SLC16A2: variants seen among roughly 807,000 people sequenced by gnomAD.
The protein encoded by SLC16A2 is monocarboxylate transporter 8.
Under a neutral mutation model 27.2 loss-of-function variants are expected in SLC16A2, and 3 were observed. That is an observed-to-expected ratio of 0.11 (90% CI 0.05 to 0.28). SLC16A2 has a LOEUF of 0.28. Ranked by LOEUF, SLC16A2 falls within the 10% of genes least tolerant of loss-of-function variation. The pLI, the probability that SLC16A2 is intolerant of heterozygous loss-of-function variation, is 1.00. For synonymous variants in SLC16A2, 202 were observed against 187.8 expected (o/e 1.08, Z -0.62); for missense variants, 295 against 458.5 (o/e 0.64, Z 3.26).
At chrX:74,428,952 CG>C (rs1394213891) in intron 1 of SLC16A2, among the ~76,000 whole-genome samples, 3 of 111,418 alleles carry the variant, frequency 2.7e-5, no homozygotes, top group Non-Finnish European at 3.8e-5. Context: ...TGGTAGCTTC[CG>C]TGTTTCTGGT....
intron 1 of SLC16A2, among the ~76,000 whole-genome samples, chrX:74,443,586 A>G (rs1229809933): frequency 8.9e-6 from 1 of 112,396 alleles, no homozygotes; most frequent in Admixed American, 9.4e-5. Flanking sequence ...CTGTAACAGT[A>G]TCCAGAAGGT....
rs910253678 is a variant in SLC16A2, at chrX:74,422,133, C to T, written c.430+66C>T. On this transcript the variant is annotated intron_variant, in intron 1 of 5. Transcript: ENST00000587091. ...GTTGGCCGCTCCCGCTGCCACCGAC[C>T]CCATACCTCCCGGTCCGAGGCGCCC... 6.6e-6 allele frequency: 7 copies of T among 1,058,718 alleles called. No homozygotes were observed. The African/African-American group carries it at 1.1e-4, about 17-fold the overall frequency. 87.3% of individuals were successfully genotyped at this position (1,058,718 alleles called of 1,213,427 possible).
intron 1 of SLC16A2, among the ~76,000 whole-genome samples, chrX:74,460,419 G>A (rs763011340): frequency 9.0e-6 from 1 of 111,433 alleles, no homozygotes; most frequent in Admixed American, 9.5e-5. Context: ...TTTCACTCAG[G>A]GTCAGACTTA....
intron 1 of SLC16A2, among the ~76,000 whole-genome samples, chrX:74,445,017 A>C (rs896704239): frequency 8.9e-6 from 1 of 112,313 alleles, no homozygotes; most frequent in African/African-American, 3.2e-5. Flanking sequence ...GAGCGGTGAC[A>C]ACCTCAAATC....
intron 1 of SLC16A2, among the ~76,000 whole-genome samples, chrX:74,495,455 C>T (rs964634463): frequency 7.4e-5 from 8 of 108,584 alleles, no homozygotes; most frequent in African/African-American, 2.6e-4. Context: ...CAAAGATACT[C>T]GAGAAAATCA....
At chrX:74,523,741 C>A (rs1195455552) in intron 2 of SLC16A2, among the ~76,000 whole-genome samples, 2 of 112,087 alleles carry the variant, frequency 1.8e-5, no homozygotes, top group African/African-American at 6.5e-5. Flanking sequence ...ATGATTCCCG[C>A]TGAGATCGTC....
rs902533400 is a variant in SLC16A2 at position 74,524,887 on chromosome X, G to A, written c.1026+78G>A. On this transcript the variant is annotated intron_variant, in intron 3 of 5. Transcript: ENST00000587091. ...AACCTGCCTAGATTCCAGAGGGTGG[G>A]GGTGGGAGACATTGAAAGGGCAGAG... The A allele has an allele frequency of 1.0e-4, 95 of 909,080 alleles. No individual in the cohort carries two copies. The highest frequency in any genetic ancestry group is 3.0e-4 in the Middle Eastern group (1 of 3,319). 74.9% of individuals were successfully genotyped at this position (909,080 alleles called of 1,213,427 possible).
At chrX:74,523,183 T>C (rs1334847927) in intron 2 of SLC16A2, among the ~76,000 whole-genome samples, 1 of 112,388 alleles carries the variant, frequency 8.9e-6, no homozygotes, top group Non-Finnish European at 1.9e-5. Context: ...AGAGGAACCG[T>C]TGGCTTAGCT....
Position 74,533,912 on chromosome X carries a change from A to C in SLC16A2, c.*2359A>C, listed in dbSNP as rs1264829550. 6.2e-5 allele frequency: 7 copies of C among 112,375 alleles called. No homozygotes were observed. Among genetic ancestry groups the C allele is most frequent in the African/African-American group, 9.7e-5 (3 of 30,823 alleles). The allele number at this position is 112,375 out of a possible 1,213,427, so 9.3% of individuals were successfully genotyped here. A position where few individuals can be genotyped will look rare whatever the true frequency, so the allele number is the denominator to read the frequency against. On this transcript the variant is annotated 3_prime_UTR_variant, in exon 6 of 6. Coordinates refer to ENST00000587091, the MANE Select transcript of SLC16A2 (RefSeq NM_006517.5). The stretch of plus-strand genomic sequence containing the variant: ...TTGGAACAAAATAAACAGATCTAAA[A>C]ATTTGGTTTGGGTATGTATGTTGCC...
chrX:74,450,909 A>C lies in SLC16A2; in HGVS notation c.430+28842A>C, dbSNP rs766237533. On this transcript the variant is annotated intron_variant, in intron 1 of 5. Coordinates refer to ENST00000587091, the MANE Select transcript of SLC16A2 (RefSeq NM_006517.5). Reference sequence around the variant, plus strand: ...ATAAGCACATAGGTCTTGATTTTAAAAGTCTTATGCAGCCATAAAAATATA... The same window carrying C: ...ATAAGCACATAGGTCTTGATTTTAACAGTCTTATGCAGCCATAAAAATATA... Among the ~76,000 whole-genome samples, 257 of 111,608 alleles carry C rather than the reference A, an allele frequency of 2.3e-3. 3 individuals carry two copies. The highest frequency in any genetic ancestry group is 2.8e-3 in the Non-Finnish European group (151 of 53,141).
chrX:74,482,992 C>T (rs1423134748), intron 1 of SLC16A2, among the ~76,000 whole-genome samples: 1 of 112,084 alleles, frequency 8.9e-6, no homozygotes, highest in Non-Finnish European at 1.9e-5. Flanking sequence ...AGACATGAGC[C>T]ACCCTGACTG....
intron 1 of SLC16A2, among the ~76,000 whole-genome samples, chrX:74,474,585 C>G (rs1039093687): frequency 9.2e-6 from 1 of 109,196 alleles, no homozygotes; most frequent in Admixed American, 9.9e-5. Context: ...CCCATTAACT[C>G]GTCATTTAAC....
At chrX:74,463,931 G>T (rs1299844371) in intron 1 of SLC16A2, among the ~76,000 whole-genome samples, 1 of 112,215 alleles carries the variant, frequency 8.9e-6, no homozygotes, top group East Asian at 2.8e-4. Flanking sequence ...CCCTGTTTTA[G>T]TTCATCCCTC....
intron 1 of SLC16A2, among the ~76,000 whole-genome samples, chrX:74,480,818 T>C (rs769907907): frequency 1.0e-3 from 114 of 112,438 alleles, no homozygotes; most frequent in Non-Finnish European, 1.8e-3. Flanking sequence ...TTGTTTATCT[T>C]ACAGGGGAAG....
At chrX:74,455,265 T>C (rs2147847027) in intron 1 of SLC16A2, among the ~76,000 whole-genome samples, 1 of 111,562 alleles carries the variant, frequency 9.0e-6, no homozygotes, top group African/African-American at 3.3e-5. Flanking sequence ...TACTATACGC[T>C]TTCATATATT....
At chrX:74,434,081 G>A (rs1569283610) in intron 1 of SLC16A2, among the ~76,000 whole-genome samples, 2 of 111,612 alleles carry the variant, frequency 1.8e-5, no homozygotes, top group African/African-American at 6.5e-5. Flanking sequence ...AATTAATATT[G>A]GTTGAATTCA....
intron 1 of SLC16A2, among the ~76,000 whole-genome samples, chrX:74,478,650 C>T (rs186557059): frequency 4.4e-4 from 49 of 111,373 alleles, no homozygotes; most frequent in African/African-American, 1.6e-3. Flanking sequence ...TGAGTGCTTC[C>T]TTCAGGAGCT....
rs745387895 is a variant in SLC16A2, at chrX:74,526,746, A to G, written c.1170+853A>G. ...CCTTGCCCTAAGTGATGGCAGAGCC[A>G]AGTCTCAGAGATGATAAGTGACTTG... On this transcript the variant is annotated intron_variant, in intron 4 of 5. Coordinates refer to ENST00000587091, the MANE Select transcript of SLC16A2 (RefSeq NM_006517.5). Among the ~76,000 whole-genome samples, 3 of 112,897 alleles carry G rather than the reference A, an allele frequency of 2.7e-5. No homozygotes were observed. The East Asian group carries it at 8.4e-4, about 32-fold the overall frequency.
At chrX:74,496,072 C>T (rs187729401) in intron 1 of SLC16A2, among the ~76,000 whole-genome samples, 1 of 111,621 alleles carries the variant, frequency 9.0e-6, no homozygotes. Context: ...GGAACTTTCC[C>T]CAGGAAACAC....
Sources: allele counts gnomAD v4.1 joint callset (sites outside exome capture counted in the v4.1 genomes callset), GRCh38; gene constraint gnomAD v4.1.1; transcripts MANE v1.5; gene names NCBI Gene and HGNC (gene_info 2026-07-23, HGNC 2026-07-21).